C3orf52: variants seen among roughly 807,000 people sequenced by gnomAD.
C3orf52 encodes chromosome 3 open reading frame 52.
A neutral mutation model predicts 24.8 loss-of-function variants in C3orf52; 22 were observed. The observed-to-expected ratio is 0.89, with a 90% CI of 0.63 to 1.27. The LOEUF is 1.27. Ranked by LOEUF, C3orf52 falls within the 50% of genes most tolerant of loss-of-function variation. The pLI is 0.00. For missense variants in C3orf52, 265 were observed against 260.7 expected, an observed-to-expected ratio of 1.02 and a Z score of -0.11; for synonymous variants, 93 against 100.2, an observed-to-expected ratio of 0.93 and a Z score of 0.43.
At chr3:112,096,389 G>A (rs2073927735) in intron 2 of C3orf52, among the ~76,000 whole-genome samples, 1 of 152,218 alleles carries the variant, frequency 6.6e-6, no homozygotes, top group Non-Finnish European at 1.5e-5. Flanking sequence ...AAAAGGGTAT[G>A]CATGCTTCAG....
chr3:112,125,084 C>T (rs2074284999), intron 4 of C3orf52: 1 of 675,876 alleles, frequency 1.5e-6, no homozygotes, highest in Admixed American at 2.3e-5. Context: ...GCACCTGCCA[C>T]CCGAGTTCAC....
chr3:112,135,223 CTGTT>C (rs59632909), downstream of C3orf52: 57,409 of 151,786 alleles, frequency 0.38, 10,941 homozygotes, highest in Admixed American at 0.43. Flanking sequence ...GGTCACTCAT[CTGTT>C]TGTTCATTCC....
chr3:112,096,418 T>C (rs2073927850), intron 2 of C3orf52, among the ~76,000 whole-genome samples: 2 of 152,198 alleles, frequency 1.3e-5, no homozygotes, highest in Non-Finnish European at 2.9e-5. Flanking sequence ...TGTTTTATAA[T>C]TGCATAAGGG....
chr3:112,088,540 A>C (rs2073849463), intron 1 of C3orf52, among the ~76,000 whole-genome samples: 1 of 138,980 alleles, frequency 7.2e-6, no homozygotes, highest in East Asian at 2.1e-4. Flanking sequence ...GAAGATGCTG[A>C]GTGAAGAAAT....
intron 2 of C3orf52, 148 bp downstream of exon 2, chr3:112,093,637 G>A: frequency 1.4e-6 from 1 of 693,738 alleles, no homozygotes; most frequent in East Asian, 3.0e-5. Flanking sequence ...GTATGGGTGG[G>A]AGATATGCCT....
At chr3:112,110,883 T>C (rs933487578) in intron 4 of C3orf52, among the ~76,000 whole-genome samples, 1 of 152,138 alleles carries the variant, frequency 6.6e-6, no homozygotes, top group African/African-American at 2.4e-5. Flanking sequence ...TACAGATACA[T>C]ATGGTGCAGG....
intron 5 of C3orf52, among the ~76,000 whole-genome samples, 181 bp from the exon 6 acceptor site, chr3:112,116,461 G>A (rs570821273): frequency 6.6e-6 from 1 of 152,134 alleles, no homozygotes; most frequent in South Asian, 2.1e-4. Flanking sequence ...CTTTTGAAAT[G>A]TATTCAGAGC....
exon 5 of C3orf52, chr3:112,128,454 A>G: frequency 5.8e-6 from 2 of 347,788 alleles, no homozygotes; most frequent in South Asian, 2.4e-5. Flanking sequence ...GTATTTTACT[A>G]TATTCTGAAT....
chr3:112,124,954 G>A (rs747497820), intron 4 of C3orf52, among the ~76,000 whole-genome samples: 4 of 152,206 alleles, frequency 2.6e-5, no homozygotes, highest in Non-Finnish European at 5.9e-5. Flanking sequence ...TTAGCTACAT[G>A]AGTTGATGTG....
downstream of C3orf52, chr3:112,130,553 A>G: frequency 6.5e-7 from 1 of 1,546,268 alleles, no homozygotes; most frequent in Non-Finnish European, 8.9e-7. Flanking sequence ...AGTATTTCCT[A>G]AACAGGCCTG....
In C3orf52 at chr3:112,116,918, T is replaced by C. The variant is rs577638697; in HGVS notation, c.*272T>C. The C allele has an allele frequency of 2.0e-6, 3 of 1,536,960 alleles. No individual in the cohort carries two copies. The highest frequency in any genetic ancestry group is 2.6e-6 in the Non-Finnish European group (3 of 1,146,674). ...GATAGGGTCAGCGGGTATGTCCCAC[T>C]GTTGGAGGTCACTGGTATTCTGTTT... On this transcript the variant is annotated 3_prime_UTR_variant, in exon 6 of 6. Transcript: ENST00000264848.
At chr3:112,122,709 GTA>G (rs757411484), downstream of C3orf52, 1 of 152,012 alleles carries the variant, frequency 6.6e-6, no homozygotes, top group Non-Finnish European at 1.5e-5. Context: ...TAACTTTAAT[GTA>G]TCATTAGGCA....
At chr3:112,097,237 A>G (rs1206914765) in intron 2 of C3orf52, among the ~76,000 whole-genome samples, 1 of 152,196 alleles carries the variant, frequency 6.6e-6, no homozygotes, top group Non-Finnish European at 1.5e-5. Flanking sequence ...CACCCTAGTC[A>G]TGGAGAGGTG....
At chr3:112,130,191 CAG>C (rs2074419098), downstream of C3orf52, 2 of 471,954 alleles carry the variant, frequency 4.2e-6, no homozygotes, top group South Asian at 7.3e-5. Context: ...TATTTTATAA[CAG>C]GGCATAACAG....
intron 3 of C3orf52, among the ~76,000 whole-genome samples, chr3:112,105,538 CCGTG>C (rs2074015253): frequency 4.1e-5 from 2 of 48,408 alleles, no homozygotes; most frequent in Middle Eastern, 9.1e-3. Context: ...ACTTCTTTGG[CCGTG>C]TGTGTGTGTG....
chr3:112,116,617 T>C (rs371959386), intron 5 of C3orf52, 25 bp from the exon 6 acceptor site: 1 of 1,528,152 alleles, frequency 6.5e-7, no homozygotes, highest in Non-Finnish European at 8.8e-7. Flanking sequence ...TCAGTAACTT[T>C]TGTTCATCTG....
At chr3:112,128,135 T>G (rs1305674261) in intron 4 of C3orf52, 2 of 1,413,386 alleles carry the variant, frequency 1.4e-6, no homozygotes, top group East Asian at 4.6e-5. Context: ...CCTTTCCTTT[T>G]GCCATTTCTG....
intron 3 of C3orf52, among the ~76,000 whole-genome samples, chr3:112,103,370 A>G (rs1043640094): frequency 2.0e-5 from 3 of 152,202 alleles, no homozygotes; most frequent in Non-Finnish European, 2.9e-5. Flanking sequence ...GCCTAAAATA[A>G]AACTTTGTTA....
intron 2 of C3orf52, among the ~76,000 whole-genome samples, chr3:112,102,372 C>T (rs767363561): frequency 4.5e-4 from 69 of 152,082 alleles, no homozygotes; most frequent in Non-Finnish European, 6.8e-4. Context: ...TAAATGATTT[C>T]GGAATCTGAG....
Sources: gnomAD v4.1 joint callset for allele counts (sites outside exome capture counted in the v4.1 genomes callset) on GRCh38, gnomAD v4.1.1 for gene constraint, MANE v1.5 for transcripts, NCBI Gene and HGNC (gene_info 2026-07-23, HGNC 2026-07-21) for gene names.